The following DLG2 variants were observed in gnomAD, a reference collection of about 807,000 sequenced individuals.
The protein encoded by DLG2 is disks large homolog 2.
In DLG2, 45 loss-of-function variants were observed where a neutral mutation model predicts 132.5. The ratio of observed to expected loss-of-function variants is 0.34; its 90% confidence interval spans 0.27 to 0.44. The LOEUF is 0.44. DLG2 is among the 20% of genes least tolerant of loss of function. The pLI is 1.00. For synonymous variants in DLG2, 424 were observed against 419.6 expected, an observed-to-expected ratio of 1.01 and a Z score of -0.13; for missense variants, 1,045 against 1,196.9, an observed-to-expected ratio of 0.87 and a Z score of 1.87.
At chr11:84,256,129 C>CT (rs5793117) in intron 7 of DLG2, among the ~76,000 whole-genome samples, 30,402 of 149,696 alleles carry the variant, frequency 0.2, 3,897 homozygotes, top group African/African-American at 0.36. Context: ...AATAGATACA[C>CT]TTTTTTTTTT....
At chr11:83,842,690 C>A (rs1175883779) in intron 16 of DLG2, among the ~76,000 whole-genome samples, 2 of 151,646 alleles carry the variant, frequency 1.3e-5, no homozygotes, top group Non-Finnish European at 2.9e-5. Context: ...GTGGCGGGTG[C>A]CTGTAGCCCC....
chr11:83,851,927 A>G (rs2059852818), intron 16 of DLG2, among the ~76,000 whole-genome samples: 1 of 152,004 alleles, frequency 6.6e-6, no homozygotes, highest in Non-Finnish European at 1.5e-5. Context: ...TCTTAAAAAA[A>G]AAAAAAAAAA....
At chr11:85,584,349 T>A (rs1411507750) in intron 3 of DLG2, among the ~76,000 whole-genome samples, 2 of 102,764 alleles carry the variant, frequency 1.9e-5, no homozygotes, top group Non-Finnish European at 4.4e-5. Context: ...GGTGTGTGTG[T>A]GTGTGTGTGT....
intron 12 of DLG2, among the ~76,000 whole-genome samples, chr11:83,967,183 C>T (rs1342522647): frequency 6.6e-6 from 1 of 152,110 alleles, no homozygotes; most frequent in Non-Finnish European, 1.5e-5. Flanking sequence ...GTAAATAATG[C>T]TGCATTGAAC....
intron 3 of DLG2, among the ~76,000 whole-genome samples, chr11:85,388,013 T>C (rs576847565): frequency 6.6e-6 from 1 of 152,328 alleles, no homozygotes; most frequent in African/African-American, 2.4e-5. Flanking sequence ...GTGAGTCTGC[T>C]TGCTTTCTTA....
intron 17 of DLG2, chr11:83,790,252 A>G (rs1443423439): frequency 1.5e-5 from 14 of 917,438 alleles, no homozygotes; most frequent in Middle Eastern, 2.5e-4. Flanking sequence ...GCTGTTCATA[A>G]AAGCTAAACC....
intron 7 of DLG2, among the ~76,000 whole-genome samples, chr11:84,373,255 A>AAAAAAAC (rs1567448426): frequency 1.6e-4 from 13 of 83,242 alleles, no homozygotes; most frequent in East Asian, 5.8e-4. Flanking sequence ...CAGTCAAAAA[A>AAAAAAAC]AAAAAAAAAC....
intron 3 of DLG2, among the ~76,000 whole-genome samples, chr11:85,425,753 C>G (rs532001539): frequency 6.6e-6 from 1 of 152,124 alleles, no homozygotes; most frequent in Admixed American, 6.5e-5. Flanking sequence ...AACTGAGGTA[C>G]CAGGTTCATC....
intron 6 of DLG2, among the ~76,000 whole-genome samples, chr11:84,861,640 C>G (rs5003299): frequency 1.3e-5 from 1 of 75,652 alleles, no homozygotes; most frequent in African/African-American, 6.1e-5. Flanking sequence ...AAAAAAAAAA[C>G]AAAAAAAAAA....
intron 9 of DLG2, among the ~76,000 whole-genome samples, chr11:84,152,335 T>TGTTC (rs2095316581): frequency 6.7e-6 from 1 of 149,148 alleles, no homozygotes; most frequent in Non-Finnish European, 1.5e-5. Flanking sequence ...AAAATCTGTT[T>TGTTC]GTTTGTTTGT....
In DLG2 at chr11:85,234,168, T is replaced by C. The variant is rs1033304490; in HGVS notation, c.186+51052A>G. ...CTGATTATAATATAGTAAAATATGT[T>C]CTATGATACAGGAAGGTACATCAAC... On this transcript the variant is annotated intron_variant, in intron 4 of 27. Transcript: ENST00000376104. Among the ~76,000 whole-genome samples, 3 of 151,896 alleles carry C rather than the reference T, an allele frequency of 2.0e-5. No individual in the cohort carries two copies. The East Asian group carries it at 5.8e-4, about 29-fold the overall frequency.
chr11:83,789,076 T>C (rs966616613), intron 17 of DLG2, among the ~76,000 whole-genome samples: 2 of 152,152 alleles, frequency 1.3e-5, no homozygotes, highest in Non-Finnish European at 2.9e-5. Flanking sequence ...AAGCTCAACT[T>C]CTCACAACCA....
At chr11:84,892,608 A>G (rs931202392) in intron 6 of DLG2, among the ~76,000 whole-genome samples, 3 of 152,130 alleles carry the variant, frequency 2.0e-5, no homozygotes, top group Non-Finnish European at 4.4e-5. Flanking sequence ...ATATTTTATA[A>G]TAAAAATAAC....
intron 16 of DLG2, among the ~76,000 whole-genome samples, chr11:83,872,005 C>T (rs940973914): frequency 3.3e-5 from 5 of 152,066 alleles, no homozygotes; most frequent in African/African-American, 1.2e-4. Context: ...GTGGCTCACA[C>T]CTGTAATCCC....
rs146332359 is a variant in DLG2 at position 84,871,018 on chromosome 11, T to C, written c.357+240643A>G. Reference sequence around the variant, plus strand: ...TGCACTGGCATTGTATGTATCATGATTGCAGCTAACAAATAGGAAACAGCC... The same window carrying C: ...TGCACTGGCATTGTATGTATCATGACTGCAGCTAACAAATAGGAAACAGCC... On this transcript the variant is annotated intron_variant, in intron 6 of 27. Coordinates refer to ENST00000376104, the MANE Select transcript of DLG2 (RefSeq NM_001142699.3). 5.2e-3 allele frequency among the ~76,000 whole-genome samples: 788 copies of C among 152,334 alleles called. 10 individuals carry two copies. Among genetic ancestry groups the C allele is most frequent in the African/African-American group, 0.019 (773 of 41,570 alleles).
At chr11:83,580,748 T>C (rs1172641454) in intron 19 of DLG2, among the ~76,000 whole-genome samples, 4 of 152,024 alleles carry the variant, frequency 2.6e-5, no homozygotes, top group Non-Finnish European at 4.4e-5. Context: ...CCCTGGTTTC[T>C]GTGGGAGAGC....
At chr11:83,859,529 A>G (rs920001589) in intron 16 of DLG2, among the ~76,000 whole-genome samples, 3 of 152,232 alleles carry the variant, frequency 2.0e-5, no homozygotes, top group African/African-American at 7.2e-5. Flanking sequence ...ATCTGGCAGA[A>G]GAAATTTCTA....
chr11:83,667,010 A>G (rs2075737956), intron 18 of DLG2, among the ~76,000 whole-genome samples: 1 of 152,210 alleles, frequency 6.6e-6, no homozygotes, highest in African/African-American at 2.4e-5. Context: ...TGGCCTGGGC[A>G]AACTGCGATA....
At chr11:85,514,158 T>C (rs971298498) in intron 3 of DLG2, among the ~76,000 whole-genome samples, 1 of 152,000 alleles carries the variant, frequency 6.6e-6, no homozygotes, top group South Asian at 2.1e-4. Flanking sequence ...CTGTGTGTGT[T>C]TGTTAGGCAC....
Sources: gnomAD v4.1 joint callset for allele counts (sites outside exome capture counted in the v4.1 genomes callset) on GRCh38, gnomAD v4.1.1 for gene constraint, MANE v1.5 for transcripts, NCBI Gene and HGNC (gene_info 2026-07-23, HGNC 2026-07-21) for gene names.